The following WDR45B variants were observed in gnomAD, a reference collection of about 807,000 sequenced individuals.
The protein encoded by WDR45B is WD repeat domain 45B, also known as WD repeat domain phosphoinositide-interacting protein 3.
Under a neutral mutation model 44.6 loss-of-function variants are expected in WDR45B, and 20 were observed. The observed-to-expected ratio is 0.45, with a 90% CI of 0.32 to 0.65. The LOEUF is 0.65. Ranked by LOEUF, WDR45B falls within the 30% of genes least tolerant of loss-of-function variation. The pLI, the probability that WDR45B is intolerant of heterozygous loss-of-function variation, is 0.05. For missense variants in WDR45B, 323 were observed against 430.2 expected, an observed-to-expected ratio of 0.75 and a Z score of 2.20; for synonymous variants, 169 against 164.9, an observed-to-expected ratio of 1.02 and a Z score of -0.19.
At chr17:82,616,381 C>A in intron 9 of WDR45B, 143 bp downstream of exon 9, 1 of 1,337,060 alleles carries the variant, frequency 7.5e-7, no homozygotes, top group Non-Finnish European at 1.1e-6. Flanking sequence ...CACACTGAGC[C>A]CACAGGAGAA....
chr17:82,636,001 CA>C (rs2045827583), intron 2 of WDR45B, among the ~76,000 whole-genome samples: 1 of 151,976 alleles, frequency 6.6e-6, no homozygotes, highest in Non-Finnish European at 1.5e-5. Context: ...GCAGGAGAAT[CA>C]CTTGAACCCG....
At chr17:82,640,783 C>G (rs906437614) in intron 2 of WDR45B, among the ~76,000 whole-genome samples, 1 of 152,134 alleles carries the variant, frequency 6.6e-6, no homozygotes, top group African/African-American at 2.4e-5. Flanking sequence ...CTCACATAAG[C>G]TGGAAACGGG....
intron 4 of WDR45B, 106 bp downstream of exon 4, chr17:82,627,097 TA>T: frequency 1.1e-6 from 1 of 929,302 alleles, no homozygotes; most frequent in Non-Finnish European, 1.8e-6. Flanking sequence ...ACCAACATTT[TA>T]ATACATCATT....
intron 2 of WDR45B, among the ~76,000 whole-genome samples, chr17:82,643,270 T>C (rs534048962): frequency 6.6e-6 from 1 of 152,136 alleles, no homozygotes; most frequent in African/African-American, 2.4e-5. Context: ...CCGTCTCTAC[T>C]AAAAATACAA....
At chr17:82,623,832 G>A (rs1445421113) in intron 5 of WDR45B, among the ~76,000 whole-genome samples, 3 of 151,930 alleles carry the variant, frequency 2.0e-5, no homozygotes, top group South Asian at 4.1e-4. Flanking sequence ...TGTCGCCACC[G>A]CCAGTCCTCA....
chr17:82,644,776 C>T (rs2045956127), intron 1 of WDR45B: 1 of 152,642 alleles, frequency 6.6e-6, no homozygotes, highest in South Asian at 2.1e-4. Flanking sequence ...AAACAAACCC[C>T]TCAATTATTT....
At chr17:82,638,202 G>A (rs1316580399) in intron 2 of WDR45B, among the ~76,000 whole-genome samples, 1 of 83,696 alleles carries the variant, frequency 1.2e-5, no homozygotes, top group Admixed American at 1.3e-4. Flanking sequence ...GAGGGAAAGG[G>A]AGGGGAGGGA....
At chr17:82,644,372 A>C (rs1444156291) in intron 1 of WDR45B, 11 of 363,246 alleles carry the variant, frequency 3.0e-5, no homozygotes, top group Non-Finnish European at 5.8e-5. Context: ...AATCCCGCCC[A>C]CTGTGGACAC....
At chr17:82,625,299 T>C (rs1598265078) in intron 5 of WDR45B, 90 bp downstream of exon 5, 1 of 1,333,698 alleles carries the variant, frequency 7.5e-7, no homozygotes, top group East Asian at 2.3e-5. Flanking sequence ...AGCACTTTGC[T>C]CAGAGACCTG....
At chr17:82,643,628 AG>A (rs1013790155) in intron 2 of WDR45B, among the ~76,000 whole-genome samples, 16 of 152,308 alleles carry the variant, frequency 1.1e-4, no homozygotes, top group African/African-American at 3.8e-4. Context: ...CCAGGGTTAC[AG>A]GTAAGACTTT....
At chr17:82,634,976 G>A (rs976510733) in intron 2 of WDR45B, among the ~76,000 whole-genome samples, 1 of 151,994 alleles carries the variant, frequency 6.6e-6, no homozygotes, top group African/African-American at 2.4e-5. Flanking sequence ...CAGCAGTCAA[G>A]TTCATGGAGA....
At chr17:82,634,690 C>T (rs1000377304) in intron 2 of WDR45B, among the ~76,000 whole-genome samples, 1 of 151,904 alleles carries the variant, frequency 6.6e-6, no homozygotes, top group African/African-American at 2.4e-5. Flanking sequence ...GTGCTCCATA[C>T]GTGCAGTGAT....
intron 2 of WDR45B, among the ~76,000 whole-genome samples, chr17:82,639,525 C>T (rs979219761): frequency 1.3e-5 from 2 of 151,716 alleles, no homozygotes; most frequent in African/African-American, 4.9e-5. Context: ...CCTCCCCACC[C>T]GCAGGAACCA....
chr17:82,642,910 T>C (rs561398990), intron 2 of WDR45B, among the ~76,000 whole-genome samples: 2 of 152,220 alleles, frequency 1.3e-5, no homozygotes, highest in Admixed American at 6.5e-5. Context: ...ATCCTGAGAT[T>C]TGCAAGTCAA....
intron 2 of WDR45B, chr17:82,636,657 ATCTT>A (rs1198957172): frequency 2.6e-5 from 4 of 152,066 alleles, no homozygotes; most frequent in South Asian, 2.1e-4. Flanking sequence ...GATACAATAA[ATCTT>A]TCTGAGTTTC....
At chr17:82,635,671 C>T (rs1195828056) in intron 2 of WDR45B, among the ~76,000 whole-genome samples, 5 of 151,922 alleles carry the variant, frequency 3.3e-5, no homozygotes, top group Admixed American at 3.3e-4. Context: ...GATCCACCCA[C>T]CTCGGCCTCC....
rs2045947322 is a variant in WDR45B, at chr17:82,643,963, T to C, written c.128A>G (p.Glu43Gly). 1 of 1,614,024 alleles carries C rather than the reference T, an allele frequency of 6.2e-7. No individual in the cohort carries two copies. The highest frequency in any genetic ancestry group is 1.7e-5 in the Admixed American group (1 of 60,006). ...FRVYNTDPLKEKEKQEFLEGG... is the reference protein window; with the variant it reads ...FRVYNTDPLKGKEKQEFLEGG... ...TTAATTCTTACCTTGTTTCTCTTTTTCTTTTAGTGGATCAGTGTTATAGAC... is the reference window on the plus strand; with the variant it reads ...TTAATTCTTACCTTGTTTCTCTTTTCCTTTTAGTGGATCAGTGTTATAGAC... Residue 43 changes from glutamate (E) to glycine (G), a missense_variant, in exon 2 of 10, where the codon GAA becomes GGA. Transcript: ENST00000392325.
Position 82,615,696 on chromosome 17 carries a change from C to A in WDR45B, c.*223G>T. The stretch of plus-strand genomic sequence containing the variant: ...GAACAGCCAGTGGCCGCCAGTCGAG[C>A]TGGTCACAGCCACTGAGTTACCTAC... On this transcript the variant is annotated 3_prime_UTR_variant, in exon 10 of 10. Coordinates refer to ENST00000392325, the MANE Select transcript of WDR45B (RefSeq NM_019613.4). 1.8e-6 allele frequency: 1 copy of A among 569,514 alleles called. No individual in the cohort carries two copies. Among genetic ancestry groups the A allele is most frequent in the South Asian group, 2.0e-5 (1 of 50,792 alleles). 35.3% of individuals were successfully genotyped at this position (569,514 alleles called of 1,614,324 possible). A position where few individuals can be genotyped will look rare whatever the true frequency, so the allele number is the denominator to read the frequency against.
At position 82,615,972 on chromosome 17, in the gene WDR45B, A is replaced by G; in HGVS notation, c.982T>C (p.Cys328Arg). Residue 328 changes from cysteine to arginine, a missense_variant, in exon 10 of 10, where the codon TGC (cysteine) becomes CGC (arginine). Transcript: ENST00000392325. ...YKFLFNPKGE[C>R]IRDVYAQFLE... The stretch of plus-strand genomic sequence containing the variant: ...AACTGCGCGTAGACATCTCGGATGC[A>G]CTCCCCCTTGGGGTTGAACAGGAAT... 1 of 1,612,056 alleles carries G rather than the reference A, an allele frequency of 6.2e-7. No homozygotes were observed.
Sources: gnomAD v4.1 joint callset for allele counts (sites outside exome capture counted in the v4.1 genomes callset) on GRCh38, gnomAD v4.1.1 for gene constraint, MANE v1.5 for transcripts, NCBI Gene and HGNC (gene_info 2026-07-23, HGNC 2026-07-21) for gene names.